PREX1: variants seen among roughly 807,000 people sequenced by gnomAD.
The protein encoded by PREX1 is phosphatidylinositol-3,4,5-trisphosphate dependent Rac exchange factor 1, also known as phosphatidylinositol 3,4,5-trisphosphate-dependent Rac exchanger 1 protein.
PREX1 carries 41 observed loss-of-function variants against 198.3 expected under a neutral mutation model. The ratio of observed to expected loss-of-function variants is 0.21; its 90% CI spans 0.16 to 0.27. PREX1 has a LOEUF of 0.27. Ranked by LOEUF, PREX1 falls within the 10% of genes least tolerant of loss-of-function variation. The probability of loss-of-function intolerance (pLI) is 1.00; values close to 1 mark genes in which losing one functional copy is unlikely to be tolerated. For synonymous variants in PREX1, 843 were observed against 887.2 expected (o/e 0.95, Z 0.89); for missense variants, 1,620 against 2,200.7 (o/e 0.74, Z 5.28).
chr20:48,626,732 G>C (rs912599429), intron 39 of PREX1, among the ~76,000 whole-genome samples: 1 of 152,262 alleles, frequency 6.6e-6, no homozygotes, highest in African/African-American at 2.4e-5. Context: ...GCGCTCTGTG[G>C]TTACGTAAGA....
chr20:48,860,824 ACT>A, the PREX1 span, among the ~76,000 whole-genome samples: 3 of 140,074 alleles, frequency 2.1e-5, no homozygotes, highest in East Asian at 6.2e-4. Context: ...ACAAAGTGAG[ACT>A]CTGCCTCAAA....
chr20:48,838,993 C>CAAAAAAAA, the PREX1 span, among the ~76,000 whole-genome samples: 3 of 23,042 alleles, frequency 1.3e-4, no homozygotes, highest in African/African-American at 3.3e-4. Context: ...GACTCTGTCT[C>CAAAAAAAA]AAAAAAAAAA....
chr20:48,735,883 C>T (rs2090055197), intron 3 of PREX1, among the ~76,000 whole-genome samples: 1 of 152,078 alleles, frequency 6.6e-6, no homozygotes, highest in Non-Finnish European at 1.5e-5. Context: ...GGCAAATACC[C>T]AGGGTACAAA....
At chr20:48,663,659 G>C (rs1374598544) in intron 15 of PREX1, among the ~76,000 whole-genome samples, 4 of 152,242 alleles carry the variant, frequency 2.6e-5, no homozygotes, top group African/African-American at 9.6e-5. Context: ...TTAAGCAGCT[G>C]TGACGGAGTT....
intron 6 of PREX1, among the ~76,000 whole-genome samples, chr20:48,705,534 G>C (rs184643805): frequency 1.3e-5 from 2 of 152,276 alleles, no homozygotes; most frequent in African/African-American, 4.8e-5. Flanking sequence ...AGAAAGATGG[G>C]AAAGGATCAA....
chr20:48,749,055 C>T (rs1018345325), intron 1 of PREX1, among the ~76,000 whole-genome samples: 2 of 151,836 alleles, frequency 1.3e-5, no homozygotes, highest in Non-Finnish European at 2.9e-5. Context: ...GAAGAGCTGC[C>T]GAGGGGTCAC....
At chr20:48,873,352 T>A in the PREX1 span, among the ~76,000 whole-genome samples, 2 of 151,876 alleles carry the variant, frequency 1.3e-5, no homozygotes, top group African/African-American at 4.8e-5. Context: ...AAAAGGGAAA[T>A]GTTTGCTCTA....
At chr20:48,628,106 C>A in intron 37 of PREX1, 143 bp from the exon 38 acceptor site, 2 of 629,454 alleles carry the variant, frequency 3.2e-6, no homozygotes, top group Non-Finnish European at 5.5e-6. Context: ...CTGACCATCA[C>A]GGCAACGCCT....
chr20:48,769,703 G>A (rs949203145), intron 1 of PREX1, among the ~76,000 whole-genome samples: 1 of 152,098 alleles, frequency 6.6e-6, no homozygotes, highest in African/African-American at 2.4e-5. Flanking sequence ...GTAACCACAT[G>A]ACTCATTCAC....
upstream of PREX1, among the ~76,000 whole-genome samples, chr20:48,830,859 C>G (rs1306195431): frequency 6.6e-6 from 1 of 152,186 alleles, no homozygotes; most frequent in African/African-American, 2.4e-5. Flanking sequence ...TTAGAGCACA[C>G]AGTAGGTGCT....
At chr20:48,825,188 C>T (rs1568655931) in intron 1 of PREX1, among the ~76,000 whole-genome samples, 1 of 152,164 alleles carries the variant, frequency 6.6e-6, no homozygotes, top group African/African-American at 2.4e-5. Context: ...TCCTGACGGG[C>T]CAAGATGAGA....
At chr20:48,867,229 C>G in the PREX1 span, among the ~76,000 whole-genome samples, 1 of 152,186 alleles carries the variant, frequency 6.6e-6, no homozygotes, top group East Asian at 1.9e-4. Context: ...AGCTGAAGAG[C>G]CTGCAAGCCA....
At chr20:48,876,045 G>C in the PREX1 span, among the ~76,000 whole-genome samples, 22 of 152,170 alleles carry the variant, frequency 1.4e-4, no homozygotes, top group Non-Finnish European at 2.6e-4. Context: ...TAACTTGGCA[G>C]ATTCACCTCC....
chr20:48,653,332 T>C, intron 20 of PREX1, 29 bp downstream of exon 20: 1 of 1,605,660 alleles, frequency 6.2e-7, no homozygotes, highest in Non-Finnish European at 8.5e-7. Context: ...CAGGACTTCT[T>C]TGACGGCCCC....
chr20:48,649,581 A>G lies in PREX1; in HGVS notation c.3029-5T>C. On this transcript the variant is annotated splice_region_variant and splice_polypyrimidine_tract_variant and intron_variant, in intron 24 of 39. Transcript: ENST00000371941. ...ACGACATGGGGTTCAGGTGGCCTGC[A>G]GTGGAGGAAGAGAGAGCTCACTGGA... 6.3e-7 allele frequency: 1 copy of G among 1,578,452 alleles called. No individual in the cohort carries two copies.
chr20:48,847,553 GA>G, the PREX1 span, among the ~76,000 whole-genome samples: 1 of 152,136 alleles, frequency 6.6e-6, no homozygotes, highest in Non-Finnish European at 1.5e-5. Context: ...AGAAGAAAAT[GA>G]AAATTGCCTC....
At chr20:48,729,957 C>A (rs6095261) in intron 4 of PREX1, among the ~76,000 whole-genome samples, 22,136 of 152,000 alleles carry the variant, frequency 0.15, 1,844 homozygotes, top group South Asian at 0.26. Flanking sequence ...GAGAAGACAC[C>A]AAAGAAGGCC....
chr20:48,862,320 C>T, the PREX1 span, among the ~76,000 whole-genome samples: 1 of 152,286 alleles, frequency 6.6e-6, no homozygotes, highest in South Asian at 2.1e-4. Flanking sequence ...ATCATCATCC[C>T]TTGAACTCCT....
In PREX1 at chr20:48,658,129, G is replaced by T; in HGVS notation, c.1974+7C>A. The T allele has an allele frequency of 6.2e-7, 1 of 1,612,122 alleles. No homozygotes were observed. The highest frequency in any genetic ancestry group is 2.2e-5 in the East Asian group (1 of 44,830). ...ACGGTCCCTGCCAGCTCCCCCGAGG[G>T]CCTCACCTCAGCCAGCGAGCCCCTC... On this transcript the variant is annotated splice_region_variant and intron_variant, in intron 17 of 39. Transcript: ENST00000371941.
Sources: allele counts gnomAD v4.1 joint callset (sites outside exome capture counted in the v4.1 genomes callset), GRCh38; gene constraint gnomAD v4.1.1; transcripts MANE v1.5; gene names NCBI Gene and HGNC (gene_info 2026-07-23, HGNC 2026-07-21).